Variants in TRPV2 observed in about 807,000 individuals in gnomAD.
TRPV2 encodes OTRPC2.
TRPV2 carries 58 observed loss-of-function variants against 91.0 expected under a neutral mutation model. That is an observed-to-expected ratio of 0.64 (90% confidence interval 0.52 to 0.79). The LOEUF (loss-of-function observed/expected upper bound fraction) is 0.79. TRPV2 is among the 30% of genes least tolerant of loss of function. The pLI, the probability that TRPV2 is intolerant of heterozygous loss-of-function variation, is 0.00. For missense variants in TRPV2, 807 were observed against 969.6 expected (o/e 0.83, Z 2.23); for synonymous variants, 417 against 414.8 (o/e 1.01, Z -0.06).
intron 12 of TRPV2, 35 bp downstream of exon 12, chr17:16,432,335 C>CGAGAT: frequency 1.9e-6 from 3 of 1,567,880 alleles, no homozygotes; most frequent in Admixed American, 1.7e-5. Context: ...CCCACCCCAC[C>CGAGAT]CCACACTCAG....
intron 8 of TRPV2, among the ~76,000 whole-genome samples, 157 bp downstream of exon 8, chr17:16,427,704 C>T (rs1407564433): frequency 6.6e-6 from 1 of 152,190 alleles, no homozygotes; most frequent in Admixed American, 6.5e-5. Context: ...CTGGCCTTGC[C>T]TTCTGAGTCC....
chr17:16,431,277 ATATATATATACATAT>A lies in TRPV2; in HGVS notation c.1588-505_1588-491del, dbSNP rs1310082683. On this transcript the variant is annotated intron_variant, in intron 10 of 14. Coordinates refer to ENST00000338560, the MANE Select transcript of TRPV2 (RefSeq NM_016113.5). ...GAGACATATATATATATATATATAT[ATATATATATACATAT>A]TTTTTTTTTTTTTTTTTTTGAGACG... Among the ~76,000 whole-genome samples, 18 of 75,740 alleles carry A rather than the reference ATATATATATACATAT, an allele frequency of 2.4e-4. 1 individual carries two copies. Among genetic ancestry groups the A allele is most frequent in the African/African-American group, 1.1e-3 (18 of 17,018 alleles). The allele number at this position is 75,740 out of a possible 152,430, so 49.7% of individuals were successfully genotyped here. A position where few individuals can be genotyped will look rare whatever the true frequency, so the allele number is the denominator to read the frequency against.
chr17:16,434,480 A>G (rs1346515563), intron 13 of TRPV2, among the ~76,000 whole-genome samples: 2 of 151,724 alleles, frequency 1.3e-5, no homozygotes, highest in Non-Finnish European at 1.5e-5. Context: ...AAAAAAAAAA[A>G]AAAAGAAAAC....
At chr17:16,434,073 A>T (rs2093424873) in intron 13 of TRPV2, among the ~76,000 whole-genome samples, 1 of 152,086 alleles carries the variant, frequency 6.6e-6, no homozygotes, top group Admixed American at 6.6e-5. Flanking sequence ...TGCCAGCCTG[A>T]TCTCTGAGCT....
intron 2 of TRPV2, 124 bp from the exon 3 acceptor site, chr17:16,419,991 G>T: frequency 1.4e-6 from 2 of 1,382,666 alleles, no homozygotes; most frequent in Non-Finnish European, 9.8e-7. Flanking sequence ...CTCTCACTGG[G>T]CTCCTGGGCC....
At chr17:16,427,687 A>T (rs940608542) in intron 8 of TRPV2, 140 bp downstream of exon 8, 3 of 777,966 alleles carry the variant, frequency 3.9e-6, no homozygotes, top group Non-Finnish European at 3.9e-6. Context: ...GCTGAGGGCC[A>T]GAGGTTCTGG....
intron 2 of TRPV2, chr17:16,419,416 T>A (rs2093346134): frequency 2.1e-6 from 1 of 470,976 alleles, no homozygotes; most frequent in Non-Finnish European, 4.4e-6. Flanking sequence ...CAGGTAATGC[T>A]CTGTTTCTGG....
intron 12 of TRPV2, among the ~76,000 whole-genome samples, chr17:16,432,750 A>G (rs140371870): frequency 6.4e-4 from 97 of 151,598 alleles, no homozygotes; most frequent in Non-Finnish European, 1.2e-3. Flanking sequence ...CCCAGCACCA[A>G]GCAGGTGCTC....
At chr17:16,423,354 T>C in intron 4 of TRPV2, 115 bp from the exon 5 acceptor site, 1 of 1,222,614 alleles carries the variant, frequency 8.2e-7, no homozygotes, top group Non-Finnish European at 1.1e-6. Context: ...CTCCCTTCAG[T>C]GGTAAAGAAG....
chr17:16,427,566 C>G lies in TRPV2; in HGVS notation c.1350+19C>G. On this transcript the variant is annotated intron_variant, in intron 8 of 14. Coordinates refer to ENST00000338560, the MANE Select transcript of TRPV2 (RefSeq NM_016113.5). Reference sequence around the variant, plus strand: ...GGGCCAGGTGAGTGCCCCTCCCCTTCTCCTACCAAGAAGCAAACCTAGAAT... The same window carrying G: ...GGGCCAGGTGAGTGCCCCTCCCCTTGTCCTACCAAGAAGCAAACCTAGAAT... The G allele has an allele frequency of 6.2e-7, 1 of 1,600,040 alleles. No individual in the cohort carries two copies. The highest frequency in any genetic ancestry group is 8.5e-7 in the Non-Finnish European group (1 of 1,171,450).
intron 5 of TRPV2, 141 bp downstream of exon 5, chr17:16,423,908 AT>A (rs2093370377): frequency 1.5e-6 from 1 of 689,316 alleles, no homozygotes; most frequent in African/African-American, 1.8e-5. Flanking sequence ...TAGTAAGAAA[AT>A]TTTCAGTATG....
intron 3 of TRPV2, among the ~76,000 whole-genome samples, chr17:16,421,905 C>T (rs1251405302): frequency 1.3e-5 from 2 of 152,182 alleles, no homozygotes; most frequent in African/African-American, 4.8e-5. Context: ...GGCCACGTGA[C>T]TTGCCAGAGG....
chr17:16,432,045 G>A lies in TRPV2; in HGVS notation c.1734G>A (p.Met578Ile). 2.4e-5 allele frequency: 39 copies of A among 1,613,722 alleles called. No homozygotes were observed. The highest frequency in any genetic ancestry group is 3.2e-5 in the Non-Finnish European group (38 of 1,179,678). ...ATGCCACAGAGTCAGTGCAGCCCATGGAGGGACAGGAGGACGAGGGCAACG... is the reference window on the plus strand; with the variant it reads ...ATGCCACAGAGTCAGTGCAGCCCATAGAGGGACAGGAGGACGAGGGCAACG... ...GPNATESVQP[M>I]EGQEDEGNGA... is the part of the protein sequence containing the mutation. Residue 578 changes from methionine (M) to isoleucine (I), a missense_variant, in exon 12 of 15, where the codon ATG becomes ATA. Physicochemically the swap from Met to Ile is conservative, Grantham distance 10 (BLOSUM62 1). Transcript: ENST00000338560.
intron 2 of TRPV2, chr17:16,419,467 C>T: frequency 2.1e-6 from 1 of 468,982 alleles, no homozygotes; most frequent in Non-Finnish European, 4.4e-6. Context: ...TCTGGGGATT[C>T]AGAGTCAGGG....
intron 13 of TRPV2, 145 bp downstream of exon 13, chr17:16,433,843 G>T: frequency 8.2e-7 from 1 of 1,222,270 alleles, no homozygotes; most frequent in Non-Finnish European, 1.1e-6. Flanking sequence ...GCCTGAGCAG[G>T]TGAGGTCAGG....
chr17:16,432,386 C>T (rs2093417421), intron 12 of TRPV2, 86 bp downstream of exon 12: 2 of 1,286,830 alleles, frequency 1.6e-6, no homozygotes, highest in Non-Finnish European at 1.1e-6. Flanking sequence ...CTGGGCCTTC[C>T]CTAGCCAGGA....
At position 16,423,692 on chromosome 17, in the gene TRPV2, C is replaced by T. The variant is rs376343206; in HGVS notation, c.849C>T (p.Thr283=). 4.1e-5 allele frequency: 66 copies of T among 1,613,838 alleles called. No homozygotes were observed. The African/African-American group carries it at 4.5e-4, about 11-fold the overall frequency. The part of the protein sequence containing the change: ...LLQAGARLCP[T]VQLEDIRNLQ... ...AAGCTGGGGCCCGCCTCTGCCCTAC[C>T]GTGCAGCTTGAGGACATCCGCAACC... The change falls in exon 5 of 15, where the codon ACC becomes ACT. Residue 283 remains threonine, a synonymous_variant. Transcript: ENST00000338560.
intron 12 of TRPV2, among the ~76,000 whole-genome samples, chr17:16,432,807 T>C (rs2093419538): frequency 7.4e-6 from 1 of 134,820 alleles, no homozygotes; most frequent in Admixed American, 7.1e-5. Context: ...CAGTGTTTCT[T>C]TTTTTTTTTT....
At chr17:16,436,656 G>C in intron 14 of TRPV2, 133 bp from the exon 15 acceptor site, 1 of 680,444 alleles carries the variant, frequency 1.5e-6, no homozygotes, top group Non-Finnish European at 2.7e-6. Context: ...GAGAAGGATT[G>C]CTGGCCTCCA....
Sources: gnomAD v4.1 joint callset for allele counts (sites outside exome capture counted in the v4.1 genomes callset) on GRCh38, gnomAD v4.1.1 for gene constraint, MANE v1.5 for transcripts, NCBI Gene and HGNC (gene_info 2026-07-23, HGNC 2026-07-21) for gene names.